The following RSRC1 variants were observed in gnomAD, a reference collection of about 807,000 sequenced individuals.
RSRC1 encodes the protein serine/Arginine-related protein 53.
In RSRC1, 39 loss-of-function variants were observed where a neutral mutation model predicts 49.1. That is an observed-to-expected ratio of 0.79 (90% confidence interval 0.61 to 1.04). The LOEUF (loss-of-function observed/expected upper bound fraction) is 1.04, where lower values mean the gene tolerates loss of function less well. Among genes scored for constraint, RSRC1 ranks in the 50% least tolerant of loss-of-function variants. RSRC1 has a pLI of 0.00. For synonymous variants in RSRC1, 143 were observed against 130.8 expected (o/e 1.09, Z -0.63); for missense variants, 388 against 402.4 (o/e 0.96, Z 0.31).
At chr3:158,243,354 G>T (rs989136983) in intron 4 of RSRC1, among the ~76,000 whole-genome samples, 5 of 152,112 alleles carry the variant, frequency 3.3e-5, no homozygotes. Context: ...AGATCAGATG[G>T]TGGTAGGTGT....
intron 4 of RSRC1, among the ~76,000 whole-genome samples, chr3:158,260,173 T>C (rs1095626): frequency 0.48 from 72,274 of 151,812 alleles, 17,757 homozygotes; most frequent in East Asian, 0.64. Context: ...CACCACAGCT[T>C]GGAATGTGCG....
At chr3:158,458,254 G>C (rs1737445407) in intron 6 of RSRC1, among the ~76,000 whole-genome samples, 1 of 152,056 alleles carries the variant, frequency 6.6e-6, no homozygotes, top group South Asian at 2.1e-4. Flanking sequence ...TAAAATATTG[G>C]TTTTTGGTAG....
intron 3 of RSRC1, among the ~76,000 whole-genome samples, chr3:158,182,018 G>C (rs551308678): frequency 3.9e-5 from 6 of 152,250 alleles, no homozygotes; most frequent in African/African-American, 1.4e-4. Context: ...AGTATGTTGG[G>C]TCTAGTACAA....
intron 3 of RSRC1, among the ~76,000 whole-genome samples, chr3:158,142,967 A>C (rs1210642390): frequency 6.6e-6 from 1 of 152,186 alleles, no homozygotes; most frequent in African/African-American, 2.4e-5. Context: ...TCAGCATCCT[A>C]ATAGTAGATT....
chr3:158,445,618 T>C (rs1458487229), intron 6 of RSRC1, among the ~76,000 whole-genome samples: 2 of 152,018 alleles, frequency 1.3e-5, no homozygotes. Context: ...CAAACCTGCA[T>C]GTTGTGCACA....
chr3:158,168,538 ATTCTTTTT>A (rs1180103171), intron 3 of RSRC1, among the ~76,000 whole-genome samples: 3 of 152,174 alleles, frequency 2.0e-5, no homozygotes, highest in Admixed American at 6.5e-5. Context: ...AGTGATTTTC[ATTCTTTTT>A]ATTTATAGAT....
At chr3:158,254,520 C>T (rs966296922) in intron 4 of RSRC1, among the ~76,000 whole-genome samples, 1 of 151,798 alleles carries the variant, frequency 6.6e-6, no homozygotes, top group African/African-American at 2.4e-5. Context: ...CAAGCCCTGC[C>T]TCCTGGGTTC....
Position 158,543,502 on chromosome 3 carries a change from C to A in RSRC1, c.912+15C>A. The A allele has an allele frequency of 6.3e-7, 1 of 1,586,606 alleles. No individual in the cohort carries two copies. The highest frequency in any genetic ancestry group is 2.3e-5 in the East Asian group (1 of 43,450). The stretch of plus-strand genomic sequence containing the variant: ...CCCATCCAAATGTAATATCCTTAAA[C>A]TTTACGAATGTCAGTTGAAGTCTAA... On this transcript the variant is annotated intron_variant, in intron 9 of 9. Transcript: ENST00000611884.
At chr3:158,290,760 C>A (rs1044946032) in intron 4 of RSRC1, among the ~76,000 whole-genome samples, 2 of 152,088 alleles carry the variant, frequency 1.3e-5, no homozygotes, top group African/African-American at 4.8e-5. Context: ...AAAAATCCAA[C>A]TCCTGTAGAT....
intron 4 of RSRC1, 65 bp from the exon 5 acceptor site, chr3:158,297,974 A>G: frequency 7.9e-6 from 9 of 1,133,382 alleles, no homozygotes; most frequent in Non-Finnish European, 9.3e-6. Flanking sequence ...AACATTTTTG[A>G]GGTAAACAAA....
intron 1 of RSRC1, among the ~76,000 whole-genome samples, chr3:158,121,207 A>G (rs1371689015): frequency 6.6e-6 from 1 of 151,978 alleles, no homozygotes; most frequent in Non-Finnish European, 1.5e-5. Flanking sequence ...ATTTTTTCAG[A>G]TGTATTTGTA....
intron 3 of RSRC1, among the ~76,000 whole-genome samples, chr3:158,146,265 T>C (rs568748329): frequency 2.3e-4 from 35 of 152,264 alleles, no homozygotes; most frequent in African/African-American, 8.2e-4. Context: ...GGCTGTGGGT[T>C]TGTCATTAAT....
intron 6 of RSRC1, among the ~76,000 whole-genome samples, chr3:158,382,800 C>T (rs1442415148): frequency 4.6e-5 from 7 of 152,116 alleles, no homozygotes; most frequent in African/African-American, 1.7e-4. Flanking sequence ...GCAGTATTTT[C>T]ATTTGGTCAT....
At chr3:158,532,471 T>C (rs1274676225) in intron 7 of RSRC1, among the ~76,000 whole-genome samples, 2 of 151,954 alleles carry the variant, frequency 1.3e-5, no homozygotes, top group Admixed American at 1.3e-4. Context: ...TTTGGTATTT[T>C]AAAAGAAAAC....
At chr3:158,185,160 T>TA (rs1719852643) in intron 3 of RSRC1, among the ~76,000 whole-genome samples, 2 of 152,046 alleles carry the variant, frequency 1.3e-5, no homozygotes. Flanking sequence ...AATTAATGTT[T>TA]AATAATTTAA....
At chr3:158,197,671 C>A (rs1720721911) in intron 3 of RSRC1, among the ~76,000 whole-genome samples, 1 of 152,032 alleles carries the variant, frequency 6.6e-6, no homozygotes, top group Admixed American at 6.6e-5. Context: ...GAATGTGTCC[C>A]AGAGATTCTG....
chr3:158,379,779 C>T lies in RSRC1; in HGVS notation c.583+24871C>T, dbSNP rs181936817. ...CAGATGTCATCTGACTGAACTGCAC[C>T]TCCCCCCTACACATACATACAAACA... On this transcript the variant is annotated intron_variant, in intron 6 of 9. Coordinates refer to ENST00000611884, the MANE Select transcript of RSRC1 (RefSeq NM_001271838.2). Among the ~76,000 whole-genome samples, 7 of 151,364 alleles carry T rather than the reference C, an allele frequency of 4.6e-5. No individual in the cohort carries two copies. The East Asian group carries it at 1.4e-3, about 30-fold the overall frequency.
intron 6 of RSRC1, among the ~76,000 whole-genome samples, chr3:158,428,735 T>C (rs1025958662): frequency 1.6e-4 from 24 of 151,912 alleles, no homozygotes; most frequent in African/African-American, 5.6e-4. Flanking sequence ...TTGATAATCT[T>C]TTGTATCTAA....
At chr3:158,542,360 G>A (rs1031391577) in intron 8 of RSRC1, among the ~76,000 whole-genome samples, 2 of 152,120 alleles carry the variant, frequency 1.3e-5, no homozygotes, top group Non-Finnish European at 2.9e-5. Context: ...GCAAGACACC[G>A]TCTCTACTGA....
Sources: allele counts gnomAD v4.1 joint callset (sites outside exome capture counted in the v4.1 genomes callset), GRCh38; gene constraint gnomAD v4.1.1; transcripts MANE v1.5; gene names NCBI Gene and HGNC (gene_info 2026-07-23, HGNC 2026-07-21).